CTNNA2: variants seen among roughly 807,000 people sequenced by gnomAD.
The protein encoded by CTNNA2 is catenin alpha 2, also known as catenin alpha-2.
CTNNA2 carries 42 observed loss-of-function variants against 101.0 expected under a neutral mutation model. That is an observed-to-expected ratio of 0.42 (90% CI 0.32 to 0.54). The LOEUF (loss-of-function observed/expected upper bound fraction) is 0.54, where lower values mean the gene tolerates loss of function less well. Among genes scored for constraint, CTNNA2 ranks in the 20% least tolerant of loss-of-function variants. The pLI is 0.14. For missense variants in CTNNA2, 871 were observed against 1,223.1 expected (o/e 0.71, Z 4.29); for synonymous variants, 450 against 456.4 (o/e 0.99, Z 0.18).
chr2:80,386,717 G>T (rs562257974), intron 7 of CTNNA2, among the ~76,000 whole-genome samples: 7 of 152,132 alleles, frequency 4.6e-5, no homozygotes, highest in Non-Finnish European at 7.3e-5. Flanking sequence ...TGAAAACTGG[G>T]CATTTGATTA....
intron 3 of CTNNA2, among the ~76,000 whole-genome samples, chr2:79,821,440 C>T (rs570218770): frequency 6.6e-6 from 1 of 152,206 alleles, no homozygotes; most frequent in South Asian, 2.1e-4. Context: ...AACTTCTGGC[C>T]TCAAGCAGTC....
chr2:79,557,705 A>G (rs1674531534), intron 1 of CTNNA2, among the ~76,000 whole-genome samples: 1 of 151,942 alleles, frequency 6.6e-6, no homozygotes, highest in Non-Finnish European at 1.5e-5. Flanking sequence ...ATATGAGCTG[A>G]TGTGACTCTA....
chr2:80,619,005 C>A (rs1274612574), intron 17 of CTNNA2, 80 bp from the exon 18 acceptor site: 4 of 986,998 alleles, frequency 4.1e-6, no homozygotes, highest in East Asian at 2.8e-5. Context: ...CTCCCTAATC[C>A]CTTCCCAAGT....
At chr2:79,578,984 A>G (rs1487043893) in intron 1 of CTNNA2, among the ~76,000 whole-genome samples, 1 of 152,100 alleles carries the variant, frequency 6.6e-6, no homozygotes, top group Non-Finnish European at 1.5e-5. Flanking sequence ...CATATTTGAC[A>G]TTACTACTAA....
At chr2:79,845,857 TTA>T (rs1473301665) in intron 3 of CTNNA2, among the ~76,000 whole-genome samples, 4 of 152,222 alleles carry the variant, frequency 2.6e-5, no homozygotes, top group Admixed American at 6.5e-5. Context: ...CATTTAAATG[TTA>T]TGTCTTCTTT....
rs539108774 is a variant in CTNNA2 at position 80,442,813 on chromosome 2, A to G, written c.1290+23212A>G. Among the ~76,000 whole-genome samples the G allele has an allele frequency of 1.3e-4, 20 of 152,314 alleles. No individual in the cohort carries two copies. In the Middle Eastern group the frequency reaches 0.01, roughly 78 times the overall value. ...GAGAAAGCCCTAGACTAAGGCTCCC[A>G]TCATTGTTGCCATCATCCTCGTCTT... On this transcript the variant is annotated intron_variant, in intron 9 of 18. Transcript: ENST00000402739.
chr2:79,526,119 A>C (rs1418390254), intron 1 of CTNNA2, among the ~76,000 whole-genome samples: 1 of 151,942 alleles, frequency 6.6e-6, no homozygotes, highest in African/African-American at 2.4e-5. Flanking sequence ...TGAAATAAAT[A>C]CTCCTTTTTG....
intron 7 of CTNNA2, among the ~76,000 whole-genome samples, chr2:80,227,472 C>T (rs1030886355): frequency 1.3e-5 from 2 of 152,204 alleles, no homozygotes; most frequent in Non-Finnish European, 2.9e-5. Flanking sequence ...ACAATCCACG[C>T]CCAGCCCTTA....
intron 3 of CTNNA2, among the ~76,000 whole-genome samples, chr2:79,762,582 GA>G (rs923745920): frequency 6.6e-6 from 1 of 151,798 alleles, no homozygotes. Context: ...ATAAGTAATA[GA>G]AAAAAAATTG....
intron 7 of CTNNA2, among the ~76,000 whole-genome samples, chr2:80,204,319 C>T (rs1436213005): frequency 2.6e-5 from 4 of 152,280 alleles, no homozygotes; most frequent in East Asian, 1.9e-4. Flanking sequence ...ACTTCCCAAA[C>T]GTTTATGCTG....
chr2:79,783,010 T>G (rs1674569305), intron 3 of CTNNA2, among the ~76,000 whole-genome samples: 1 of 152,026 alleles, frequency 6.6e-6, no homozygotes. Context: ...CCCTTTCTAG[T>G]TAATTCCCCT....
chr2:79,695,037 T>TTG (rs1553452573), intron 2 of CTNNA2, among the ~76,000 whole-genome samples: 1,789 of 151,158 alleles, frequency 0.012, 29 homozygotes, highest in Non-Finnish European at 0.016. Flanking sequence ...TTTTTTTTTT[T>TTG]GGGGTATTAT....
intron 7 of CTNNA2, among the ~76,000 whole-genome samples, chr2:80,068,061 C>A (rs1202487737): frequency 6.6e-6 from 1 of 152,178 alleles, no homozygotes; most frequent in African/African-American, 2.4e-5. Context: ...GCCTCTAAAT[C>A]GCAGGGTAAT....
rs138822305 is a variant in CTNNA2, at chr2:80,338,067, C to T, written c.1057-55144C>T. ...GCAGTAGCACAGTTTCAGCTCACTG[C>T]AACCTCTGCCTCTTGGGTTCAAGAG... On this transcript the variant is annotated intron_variant, in intron 7 of 18. Transcript: ENST00000402739. 9.9e-5 allele frequency among the ~76,000 whole-genome samples: 15 copies of T among 152,164 alleles called. No individual in the cohort carries two copies. In the East Asian group the frequency reaches 2.1e-3, roughly 22 times the overall value.
At chr2:80,164,937 T>C (rs1348420777) in intron 7 of CTNNA2, among the ~76,000 whole-genome samples, 2 of 139,870 alleles carry the variant, frequency 1.4e-5, no homozygotes, top group African/African-American at 6.2e-5. Context: ...TCCCAACTTT[T>C]GGTTTTTTTT....
chr2:79,880,827 G>A (rs1683372606), intron 6 of CTNNA2, among the ~76,000 whole-genome samples: 1 of 151,596 alleles, frequency 6.6e-6, no homozygotes, highest in Non-Finnish European at 1.5e-5. Flanking sequence ...CTTCAATTCT[G>A]CTCTGATCTT....
chr2:79,189,116 G>A (rs978347634), intron 1 of CTNNA2, among the ~76,000 whole-genome samples: 12 of 152,230 alleles, frequency 7.9e-5, no homozygotes, highest in South Asian at 4.1e-4. Context: ...TTAGACCCAC[G>A]TTGGCACACA....
At position 80,619,221 on chromosome 2, in the gene CTNNA2, C is replaced by A; in HGVS notation, c.2567C>A (p.Ser856Tyr). 1.3e-6 allele frequency: 2 copies of A among 1,567,738 alleles called. No homozygotes were observed. Among genetic ancestry groups the A allele is most frequent in the East Asian group, 2.3e-5 (1 of 43,456 alleles). ...CCGATCGGGAGTGGAAGCAGTGATTCCTCCATGGTGAGTAAATTGACTTTC... is the reference window on the plus strand; with the variant it reads ...CCGATCGGGAGTGGAAGCAGTGATTACTCCATGGTGAGTAAATTGACTTTC... ...GAPIGSGSSD[S>Y]SMLDSATSLI... The change falls in exon 18 of 19, where the codon TCC becomes TAC. Residue 856 changes from serine to tyrosine, a missense_variant. Ser to Tyr is a moderately radical substitution (Grantham distance 144). Transcript: ENST00000402739.
intron 7 of CTNNA2, among the ~76,000 whole-genome samples, chr2:80,060,498 C>A (rs986422362): frequency 1.3e-5 from 2 of 152,088 alleles, no homozygotes; most frequent in African/African-American, 4.8e-5. Context: ...CTATTTCTTA[C>A]CATATAAACC....
Sources: allele counts gnomAD v4.1 joint callset (sites outside exome capture counted in the v4.1 genomes callset), GRCh38; gene constraint gnomAD v4.1.1; transcripts MANE v1.5; gene names NCBI Gene and HGNC (gene_info 2026-07-23, HGNC 2026-07-21).